DGKG: variants seen among roughly 807,000 people sequenced by gnomAD.
The protein encoded by DGKG is diacylglycerol kinase gamma, also known as DAG kinase gamma.
DGKG carries 78 observed loss-of-function variants against 105.3 expected under a neutral mutation model. That is an observed-to-expected ratio of 0.74 (90% CI 0.62 to 0.89). The LOEUF (loss-of-function observed/expected upper bound fraction) is 0.89, where lower values mean the gene tolerates loss of function less well. Among genes scored for constraint, DGKG ranks in the 40% least tolerant of loss-of-function variants. The pLI, the probability that DGKG is intolerant of heterozygous loss-of-function variation, is 0.00. For missense variants in DGKG, 958 were observed against 1,020.1 expected, an observed-to-expected ratio of 0.94 and a Z score of 0.83; for synonymous variants, 346 against 367.1, an observed-to-expected ratio of 0.94 and a Z score of 0.66.
chr3:186,309,953 T>C (rs1159299247), intron 2 of DGKG, among the ~76,000 whole-genome samples: 1 of 150,880 alleles, frequency 6.6e-6, no homozygotes, highest in African/African-American at 2.5e-5. Flanking sequence ...AATATCTGAT[T>C]AATAGCCTGA....
At chr3:186,277,087 C>T (rs149889814) in intron 9 of DGKG, among the ~76,000 whole-genome samples, 197 of 152,272 alleles carry the variant, frequency 1.3e-3, no homozygotes, top group African/African-American at 4.4e-3. Context: ...TCTTATCTAA[C>T]GGTCTCCACT....
chr3:186,194,599 G>A (rs1247740610), intron 21 of DGKG, among the ~76,000 whole-genome samples: 2 of 152,158 alleles, frequency 1.3e-5, no homozygotes, highest in Non-Finnish European at 2.9e-5. Context: ...TTTGGACGCA[G>A]ACGGTTCTGT....
In DGKG at chr3:186,261,610, T is replaced by A. The variant is rs1721779211; in HGVS notation, c.1349+89A>T. ...GTGCTGGGATTTGAGTCTGCCTGTC[T>A]CCACAGCCTGCTGTGTTCCTGCCAA... On this transcript the variant is annotated intron_variant, in intron 15 of 24. Coordinates refer to ENST00000265022, the MANE Select transcript of DGKG (RefSeq NM_001346.3). 7 of 946,378 alleles carry A rather than the reference T, an allele frequency of 7.4e-6. No individual in the cohort carries two copies. The Admixed American group carries it at 1.0e-4, about 14-fold the overall frequency. The allele number at this position is 946,378 out of a possible 1,614,324, so 58.6% of individuals were successfully genotyped here. A position where few individuals can be genotyped will look rare whatever the true frequency, so the allele number is the denominator to read the frequency against.
At chr3:186,248,306 G>A (rs1648769496) in intron 19 of DGKG, among the ~76,000 whole-genome samples, 1 of 152,256 alleles carries the variant, frequency 6.6e-6, no homozygotes, top group African/African-American at 2.4e-5. Flanking sequence ...GCTGTAACCT[G>A]CTGTCTAGAA....
At chr3:186,219,454 A>G (rs1297968484) in intron 20 of DGKG, among the ~76,000 whole-genome samples, 1 of 152,244 alleles carries the variant, frequency 6.6e-6, no homozygotes, top group African/African-American at 2.4e-5. Context: ...TTCAAGGGAA[A>G]GTGAACACCC....
chr3:186,341,661 A>T (rs933193128), intron 1 of DGKG, among the ~76,000 whole-genome samples: 2 of 152,176 alleles, frequency 1.3e-5, no homozygotes, highest in African/African-American at 2.4e-5. Flanking sequence ...CCACTTTTTG[A>T]TGGGGTTGTT....
At chr3:186,255,238 T>A (rs1349311682) in intron 17 of DGKG, among the ~76,000 whole-genome samples, 1 of 152,204 alleles carries the variant, frequency 6.6e-6, no homozygotes, top group Non-Finnish European at 1.5e-5. Context: ...GCAGATGCAG[T>A]GTTAGGTGCT....
chr3:186,316,029 C>T (rs79092207), intron 2 of DGKG, among the ~76,000 whole-genome samples: 4,849 of 152,320 alleles, frequency 0.032, 253 homozygotes, highest in African/African-American at 0.11. Context: ...ATGGAGAGGC[C>T]CTGGAAGACA....
chr3:186,321,085 A>G (rs1004990739), intron 1 of DGKG, among the ~76,000 whole-genome samples: 2 of 152,194 alleles, frequency 1.3e-5, no homozygotes, highest in African/African-American at 4.8e-5. Context: ...TGATTTCTAA[A>G]TTCCACCGTG....
At chr3:186,317,563 C>T (rs1373662682) in intron 2 of DGKG, among the ~76,000 whole-genome samples, 1 of 152,182 alleles carries the variant, frequency 6.6e-6, no homozygotes, top group Non-Finnish European at 1.5e-5. Context: ...GAGCTGCTTG[C>T]AGTTCTTGGA....
intron 24 of DGKG, chr3:186,161,079 A>C (rs1716268069): frequency 2.0e-6 from 2 of 986,834 alleles, no homozygotes; most frequent in African/African-American, 1.7e-5. Flanking sequence ...GTAGGTTATC[A>C]GGGCTTTGGG....
chr3:186,306,011 G>A (rs1368340816), intron 3 of DGKG, among the ~76,000 whole-genome samples: 2 of 152,164 alleles, frequency 1.3e-5, no homozygotes, highest in Admixed American at 6.5e-5. Context: ...GGAGAATGTA[G>A]AATGTAGTGA....
chr3:186,244,478 C>T (rs1720842517), intron 19 of DGKG, among the ~76,000 whole-genome samples: 1 of 150,972 alleles, frequency 6.6e-6, no homozygotes, highest in Admixed American at 6.6e-5. Flanking sequence ...AATCTTGTCT[C>T]ACTGCAACCT....
chr3:186,358,540 T>C (rs1406670799), intron 1 of DGKG, among the ~76,000 whole-genome samples: 1 of 96,732 alleles, frequency 1.0e-5, no homozygotes, highest in Non-Finnish European at 2.2e-5. Flanking sequence ...TATTGCCTAA[T>C]TCAATCTCTC....
At position 186,288,814 on chromosome 3, in the gene DGKG, G is replaced by A. The variant is rs779678089; in HGVS notation, c.440C>T (p.Pro147Leu). The change falls in exon 6 of 25, where the codon CCC becomes CTC. Residue 147 changes from proline to leucine, a missense_variant. Physicochemically the swap from Pro to Leu is moderately conservative, Grantham distance 98. Coordinates refer to ENST00000265022, the MANE Select transcript of DGKG (RefSeq NM_001346.3). ...TTCCGAGCTTGAAGACCGAGGGACG[G>A]GGGGTTCCAGGGGGGTCGCAGCCAC... is the stretch of plus-strand genomic sequence containing the variant. ...DQVAATPLEP[P>L]VPRSSSSESP... is the part of the protein sequence containing the mutation. 1.1e-5 allele frequency: 17 copies of A among 1,611,206 alleles called. No homozygotes were observed. Among genetic ancestry groups the A allele is most frequent in the Non-Finnish European group, 1.4e-5 (16 of 1,178,664 alleles).
intron 2 of DGKG, among the ~76,000 whole-genome samples, chr3:186,315,363 T>C (rs1044447676): frequency 2.0e-5 from 3 of 152,248 alleles, no homozygotes; most frequent in Non-Finnish European, 2.9e-5. Flanking sequence ...GCTATTTTAA[T>C]ACAACGAGCT....
intron 22 of DGKG, among the ~76,000 whole-genome samples, chr3:186,180,479 T>TCAGAA (rs1249864260): frequency 4.6e-5 from 7 of 152,180 alleles, no homozygotes; most frequent in Non-Finnish European, 1.0e-4. Flanking sequence ...AGGGGTCACC[T>TCAGAA]GTCTTGCTCT....
At chr3:186,270,909 G>C (rs1209206819) in intron 11 of DGKG, among the ~76,000 whole-genome samples, 1 of 152,236 alleles carries the variant, frequency 6.6e-6, no homozygotes, top group African/African-American at 2.4e-5. Context: ...CTGTGTGACA[G>C]GTGGCCAGAG....
In DGKG at chr3:186,297,066, T is replaced by TCACACACACACACACACA. The variant is rs1352673652; in HGVS notation, c.373+354_373+355insTGTGTGTGTGTGTGTGTG. 5.2e-3 allele frequency among the ~76,000 whole-genome samples: 649 copies of TCACACACACACACACACA among 123,662 alleles called. 2 individuals are homozygous for TCACACACACACACACACA. The highest frequency in any genetic ancestry group is 7.8e-3 in the Non-Finnish European group (464 of 59,300). The allele number at this position is 123,662 out of a possible 152,430, so 81.1% of individuals were successfully genotyped here. Reference sequence around the variant, plus strand: ...CTCTCTCTGTCTGTCTGTCTGTCTCTCTCACACACACACACACACACACAC... The same window carrying TCACACACACACACACACA: ...CTCTCTCTGTCTGTCTGTCTGTCTCTCACACACACACACACACACTCACACACACACACACACACACAC... On this transcript the variant is annotated intron_variant, in intron 5 of 24. Transcript: ENST00000265022.
Sources: allele counts gnomAD v4.1 joint callset (sites outside exome capture counted in the v4.1 genomes callset), GRCh38; gene constraint gnomAD v4.1.1; transcripts MANE v1.5; gene names NCBI Gene and HGNC (gene_info 2026-07-23, HGNC 2026-07-21).